FBLN2: variants seen among roughly 807,000 people sequenced by gnomAD.
FBLN2 encodes fibulin 2, also known as fibulin-2.
A neutral mutation model predicts 123.7 loss-of-function variants in FBLN2; 81 were observed. The ratio of observed to expected loss-of-function variants is 0.65; its 90% CI spans 0.55 to 0.79. The LOEUF is 0.79. Ranked by LOEUF, FBLN2 falls within the 30% of genes least tolerant of loss-of-function variation. FBLN2 has a pLI of 0.00. For synonymous variants in FBLN2, 699 were observed against 701.4 expected, an observed-to-expected ratio of 1.00 and a Z score of 0.05; for missense variants, 1,603 against 1,681.3, an observed-to-expected ratio of 0.95 and a Z score of 0.81.
chr3:13,583,164 C>T (rs538976440), intron 2 of FBLN2, among the ~76,000 whole-genome samples: 2 of 152,256 alleles, frequency 1.3e-5, no homozygotes, highest in African/African-American at 4.8e-5. Context: ...GGAGGGGCAC[C>T]CTCCTCTACT....
Position 13,637,607 on chromosome 3 carries a change from C to T in FBLN2, c.3384C>T (p.Asn1128=). Residue 1128 remains asparagine (N), a synonymous_variant, in exon 18 of 18, where the codon AAC becomes AAT. Transcript: ENST00000404922. The part of the protein sequence containing the change: ...TTCHDFLECQ[N]SPARITHYQL... Reference sequence around the variant, plus strand: ...GCCATGACTTCCTGGAGTGCCAGAACTCGCCAGCGCGCATCACGCACTACC... The same window carrying T: ...GCCATGACTTCCTGGAGTGCCAGAATTCGCCAGCGCGCATCACGCACTACC... 7 of 1,613,292 alleles carry T rather than the reference C, an allele frequency of 4.3e-6. No individual in the cohort carries two copies. The highest frequency in any genetic ancestry group is 5.9e-6 in the Non-Finnish European group (7 of 1,179,396).
chr3:13,550,337 G>A (rs532742870), intron 1 of FBLN2, among the ~76,000 whole-genome samples: 3 of 152,330 alleles, frequency 2.0e-5, no homozygotes, highest in African/African-American at 7.2e-5. Context: ...CCCTTCCCCT[G>A]CTCCAGTCTC....
At chr3:13,586,571 C>T (rs866542926) in intron 2 of FBLN2, among the ~76,000 whole-genome samples, 2 of 150,366 alleles carry the variant, frequency 1.3e-5, no homozygotes, top group Middle Eastern at 3.5e-3. Flanking sequence ...GATCTTGGCT[C>T]ACTGCAACCT....
chr3:13,554,450 T>TA (rs1285427699), intron 1 of FBLN2, among the ~76,000 whole-genome samples: 3 of 152,242 alleles, frequency 2.0e-5, no homozygotes, highest in African/African-American at 7.2e-5. Flanking sequence ...CTGTTCTTCT[T>TA]AGAGTCTCCT....
In FBLN2 at chr3:13,631,473, C is replaced by T. The variant is rs1444796963; in HGVS notation, c.3214+16C>T. 1.3e-6 allele frequency: 2 copies of T among 1,571,756 alleles called. No homozygotes were observed. Among genetic ancestry groups the T allele is most frequent in the Non-Finnish European group, 1.7e-6 (2 of 1,157,956 alleles). ...TCCTGCAAGGGTGAGCAAGTCCCCC[C>T]ACACGCCCCCGCCTCCATCAGGGCC... On this transcript the variant is annotated intron_variant, in intron 16 of 17. Transcript: ENST00000404922.
chr3:13,563,440 C>T (rs1433713736), intron 1 of FBLN2, among the ~76,000 whole-genome samples: 1 of 152,222 alleles, frequency 6.6e-6, no homozygotes, highest in African/African-American at 2.4e-5. Context: ...GACTGACATG[C>T]CTCTGAGTGG....
At chr3:13,631,665 C>A (rs1241589929) in intron 16 of FBLN2, among the ~76,000 whole-genome samples, 1 of 152,206 alleles carries the variant, frequency 6.6e-6, no homozygotes, top group East Asian at 1.9e-4. Flanking sequence ...CTCAATCCAG[C>A]TTAGAATCTT....
rs1209276084 is a variant in FBLN2 at position 13,614,017 on chromosome 3, G to A, written c.1582G>A (p.Val528Met). 3.1e-6 allele frequency: 5 copies of A among 1,613,150 alleles called. No individual in the cohort carries two copies. The highest frequency in any genetic ancestry group is 2.2e-5 in the South Asian group (2 of 91,074). ...CCDCCGLGLR[V>M]RAEGQSCESN... ...TGACTGCTGTGGCCTGGGCCTCCGC[G>A]TGCGGGCCGAGGGCCAGTCGTGTGA... The change falls in exon 5 of 18, where the codon GTG (valine) becomes ATG (methionine). Residue 528 changes from valine (V) to methionine (M), a missense_variant. By Grantham distance (21) the Val-to-Met change is conservative. Coordinates refer to ENST00000404922, the MANE Select transcript of FBLN2 (RefSeq NM_001004019.2).
At chr3:13,605,975 T>C (rs1705190054) in intron 2 of FBLN2, among the ~76,000 whole-genome samples, 1 of 152,188 alleles carries the variant, frequency 6.6e-6, no homozygotes, top group African/African-American at 2.4e-5. Flanking sequence ...CAGGCTGGAG[T>C]GCAGTGGCTC....
Position 13,630,038 on chromosome 3 carries a change from C to T in FBLN2, c.2968+93C>T. The stretch of plus-strand genomic sequence containing the variant: ...GCCCAGAGCCTTCTGTGACCCTTCA[C>T]CCTTACACCTTCACCCTCACACCTT... On this transcript the variant is annotated intron_variant, in intron 14 of 17. Transcript: ENST00000404922. The T allele has an allele frequency of 3.3e-6, 5 of 1,528,762 alleles. No individual in the cohort carries two copies. The South Asian group carries it at 4.8e-5, about 15-fold the overall frequency. 94.7% of individuals were successfully genotyped at this position (1,528,762 alleles called of 1,614,324 possible).
At chr3:13,558,136 G>A (rs1218975257) in intron 1 of FBLN2, among the ~76,000 whole-genome samples, 1 of 152,200 alleles carries the variant, frequency 6.6e-6, no homozygotes. Context: ...TGGGCTGCCC[G>A]CTCCCCTGGC....
intron 10 of FBLN2, 90 bp downstream of exon 10, chr3:13,626,669 G>C: frequency 1.4e-6 from 2 of 1,387,020 alleles, no homozygotes; most frequent in African/African-American, 1.5e-5. Context: ...GTCCTGCCCT[G>C]GCCACCCTTA....
rs1242129846 is a variant in FBLN2 at position 13,637,832 on chromosome 3, G to A, written c.3609G>A (p.Leu1203=). Residue 1203 remains leucine, a synonymous_variant, in exon 18 of 18, where the codon CTG becomes CTA. Coordinates refer to ENST00000404922, the MANE Select transcript of FBLN2 (RefSeq NM_001004019.2). The stretch of plus-strand genomic sequence containing the variant: ...TGCTGGAGCCCCGGGACTTTGCCCT[G>A]GACGTGGAGATGAAGCTCTGGAGGC... The part of the protein sequence containing the change: ...RAVLEPRDFA[L]DVEMKLWRQG... 3 of 1,613,564 alleles carry A rather than the reference G, an allele frequency of 1.9e-6. No individual in the cohort carries two copies. The highest frequency in any genetic ancestry group is 2.5e-6 in the Non-Finnish European group (3 of 1,179,588).
Position 13,570,962 on chromosome 3 carries a change from G to T in FBLN2, c.607G>T (p.Val203Leu). ...YEDPYSYDQE[V>L]AEVEAATALG... ...AGACCCCTACAGCTATGACCAGGAG[G>T]TGGCCGAGGTGGAAGCAGCAACAGC... Residue 203 changes from valine to leucine, a missense_variant, in exon 2 of 18, where the codon GTG becomes TTG. Transcript: ENST00000404922. 6.2e-7 allele frequency: 1 copy of T among 1,611,856 alleles called. No individual in the cohort carries two copies. Among genetic ancestry groups the T allele is most frequent in the Non-Finnish European group, 8.5e-7 (1 of 1,179,158 alleles).
intron 2 of FBLN2, among the ~76,000 whole-genome samples, chr3:13,575,762 G>C (rs1384396002): frequency 1.3e-5 from 2 of 152,076 alleles, no homozygotes; most frequent in African/African-American, 4.8e-5. Context: ...ACGCTTCTGA[G>C]CCTGGCTGCA....
chr3:13,616,952 G>A (rs1384104074), intron 5 of FBLN2, among the ~76,000 whole-genome samples: 1 of 152,170 alleles, frequency 6.6e-6, no homozygotes, highest in Non-Finnish European at 1.5e-5. Context: ...CCTTTCTGCT[G>A]CTAAGGATGA....
chr3:13,608,958 G>A (rs145917888), intron 3 of FBLN2, among the ~76,000 whole-genome samples: 138 of 152,338 alleles, frequency 9.1e-4, no homozygotes, highest in African/African-American at 3.1e-3. Context: ...AGGAGTTAGA[G>A]CATGCAGCAC....
chr3:13,607,245 C>CA (rs1370571488), intron 2 of FBLN2, among the ~76,000 whole-genome samples: 8 of 152,122 alleles, frequency 5.3e-5, no homozygotes, highest in Non-Finnish European at 1.2e-4. Context: ...CTCAGCCTCT[C>CA]AAAGTGCTGG....
intron 2 of FBLN2, among the ~76,000 whole-genome samples, chr3:13,575,480 TG>T (rs1704106844): frequency 6.6e-6 from 1 of 152,136 alleles, no homozygotes; most frequent in Non-Finnish European, 1.5e-5. Flanking sequence ...TTGCGTTTGC[TG>T]GGTCCCCTGC....
Sources: gnomAD v4.1 joint callset for allele counts (sites outside exome capture counted in the v4.1 genomes callset) on GRCh38, gnomAD v4.1.1 for gene constraint, MANE v1.5 for transcripts, NCBI Gene and HGNC (gene_info 2026-07-23, HGNC 2026-07-21) for gene names.